ARHGAP8: variants seen among roughly 807,000 people sequenced by gnomAD.
ARHGAP8 encodes the protein Rho GTPase activating protein 8, also known as rho GTPase-activating protein 8.
A neutral mutation model predicts 46.1 loss-of-function variants in ARHGAP8; 62 were observed. That is an observed-to-expected ratio of 1.34 (90% CI 1.10 to 1.66). The LOEUF is 1.66. Ranked by LOEUF, ARHGAP8 falls within the 40% of genes most tolerant of loss-of-function variation. The pLI is 0.00. For missense variants in ARHGAP8, 923 were observed against 568.4 expected (o/e 1.62, Z -6.34); for synonymous variants, 375 against 243.1 (o/e 1.54, Z -5.05).
chr22:44,801,070 A>T (rs112789182), intron 2 of ARHGAP8, among the ~76,000 whole-genome samples: 1 of 50,188 alleles, frequency 2.0e-5, no homozygotes, highest in Non-Finnish European at 3.5e-5. Flanking sequence ...GCAGCTGTCC[A>T]TGTGTGAGGG....
intron 7 of ARHGAP8, among the ~76,000 whole-genome samples, chr22:44,828,196 G>A (rs776568875): frequency 5.9e-5 from 9 of 152,166 alleles, no homozygotes; most frequent in Non-Finnish European, 1.0e-4. Context: ...GAAATAGAAT[G>A]TTCACCCCAA....
chr22:44,777,468 G>C (rs1404553152), intron 1 of ARHGAP8, among the ~76,000 whole-genome samples: 1 of 151,908 alleles, frequency 6.6e-6, no homozygotes, highest in Non-Finnish European at 1.5e-5. Context: ...GTCATTAAAA[G>C]GTGGCTTTAA....
At chr22:44,847,379 T>C (rs1323847723) in intron 8 of ARHGAP8, among the ~76,000 whole-genome samples, 1 of 152,272 alleles carries the variant, frequency 6.6e-6, no homozygotes, top group African/African-American at 2.4e-5. Flanking sequence ...ACATCATCTA[T>C]ATCTTCACTG....
intron 2 of ARHGAP8, among the ~76,000 whole-genome samples, chr22:44,787,627 G>A (rs903508936): frequency 1.3e-5 from 2 of 152,102 alleles, no homozygotes; most frequent in African/African-American, 2.4e-5. Context: ...TTATAGGCGT[G>A]AGCCACCGTG....
At chr22:44,854,237 C>CG (rs1555921469) in intron 10 of ARHGAP8, among the ~76,000 whole-genome samples, 1 of 130,418 alleles carries the variant, frequency 7.7e-6, no homozygotes, top group South Asian at 2.5e-4. Context: ...CCCCTTGTAT[C>CG]TTTTTTTTTT....
rs1193802535 is a variant in ARHGAP8 at position 44,825,555 on chromosome 22, C to T, written c.558C>T (p.Pro186=). The T allele has an allele frequency of 6.2e-7, 1 of 1,613,408 alleles. No individual in the cohort carries two copies. The highest frequency in any genetic ancestry group is 1.7e-5 in the Admixed American group (1 of 59,996). ...PPPTKTPPPR[P]PLPTQQFGVS... is the part of the protein sequence containing the mutation. ...CCACCAAGACACCACCGCCGCGGCC[C>T]CCGCTGCCCACACAGCAGTTTGGCG... The change falls in exon 7 of 12, where the codon CCC becomes CCT. Residue 186 remains proline (P), a synonymous_variant. Transcript: ENST00000356099.
intron 8 of ARHGAP8, 150 bp from the exon 9 acceptor site, chr22:44,847,823 T>G: frequency 1.0e-6 from 1 of 1,000,198 alleles, no homozygotes; most frequent in Non-Finnish European, 1.5e-6. Flanking sequence ...ATCGGGTGGG[T>G]TGGGGAATAT....
At chr22:44,861,904 A>C (rs1238031267) in intron 11 of ARHGAP8, among the ~76,000 whole-genome samples, 2 of 151,992 alleles carry the variant, frequency 1.3e-5, no homozygotes, top group South Asian at 2.1e-4. Context: ...CATCATGCCC[A>C]GTTCGCCACT....
chr22:44,858,613 T>C (rs6006896), intron 10 of ARHGAP8, among the ~76,000 whole-genome samples: 54,661 of 144,404 alleles, frequency 0.38, 10,474 homozygotes, highest in African/African-American at 0.4. Flanking sequence ...TCAAGTGATG[T>C]GCCTGCCTCG....
At chr22:44,809,414 C>T (rs780883316) in intron 4 of ARHGAP8, 313 of 355,340 alleles carry the variant, frequency 8.8e-4, no homozygotes, top group Non-Finnish European at 1.4e-3. Context: ...GGCAAAGAAA[C>T]AACTGCATGA....
At position 44,862,515 on chromosome 22, in the gene ARHGAP8, G is replaced by A. The variant is rs1183102237; in HGVS notation, c.1222G>A (p.Val408Met). 7 of 1,612,810 alleles carry A rather than the reference G, an allele frequency of 4.3e-6. No homozygotes were observed. Among genetic ancestry groups the A allele is most frequent in the Middle Eastern group, 1.7e-4 (1 of 6,058 alleles). The change falls in exon 12 of 12, where the codon GTG becomes ATG. Residue 408 changes from valine (V) to methionine (M), a missense_variant. By Grantham distance (21) the Val-to-Met change is conservative (BLOSUM62 1). Transcript: ENST00000356099. ...CAGGGCAGCCCCTTTGCAGGAGGCTGTGCCACGGACACAAGCCACGGGCCT... is the reference window on the plus strand; with the variant it reads ...CAGGGCAGCCCCTTTGCAGGAGGCTATGCCACGGACACAAGCCACGGGCCT... ...GSRAAPLQEAVPRTQATGLTK... is the reference protein window; with the variant it reads ...GSRAAPLQEAMPRTQATGLTK...
At chr22:44,798,002 A>G (rs368652320) in intron 2 of ARHGAP8, among the ~76,000 whole-genome samples, 163 of 134,140 alleles carry the variant, frequency 1.2e-3, no homozygotes, top group African/African-American at 4.4e-3. Flanking sequence ...TTTTTGAGAC[A>G]AAGTCTCACT....
intron 2 of ARHGAP8, among the ~76,000 whole-genome samples, chr22:44,800,030 A>AGGCACAGAGGATGGTCTGCAGG (rs1555912620): frequency 6.8e-6 from 1 of 146,074 alleles, no homozygotes; most frequent in African/African-American, 2.6e-5. Context: ...CTGTGTCTGC[A>AGGCACAGAGGATGGTCTGCAGG]GGCACGGAGG....
intron 1 of ARHGAP8, among the ~76,000 whole-genome samples, chr22:44,753,244 C>A (rs1924394831): frequency 6.9e-6 from 1 of 144,008 alleles, no homozygotes; most frequent in South Asian, 2.2e-4. Context: ...TTTTTTTTGA[C>A]ACCGAGTCTT....
intron 1 of ARHGAP8, among the ~76,000 whole-genome samples, chr22:44,754,371 T>A (rs113027494): frequency 2.5e-4 from 36 of 146,164 alleles, no homozygotes; most frequent in African/African-American, 9.1e-4. Flanking sequence ...TGTGTGTGTG[T>A]GTGACGCAGT....
intron 7 of ARHGAP8, among the ~76,000 whole-genome samples, chr22:44,833,858 A>G (rs1004205327): frequency 6.6e-6 from 1 of 151,974 alleles, no homozygotes; most frequent in African/African-American, 2.4e-5. Flanking sequence ...CAGATTTTAT[A>G]TTTCTTCTTG....
chr22:44,848,846 T>C, intron 9 of ARHGAP8, 86 bp from the exon 10 acceptor site: 1 of 1,584,978 alleles, frequency 6.3e-7, no homozygotes, highest in South Asian at 1.2e-5. Flanking sequence ...TCCGGACATC[T>C]CACGCCCTGT....
intron 7 of ARHGAP8, among the ~76,000 whole-genome samples, chr22:44,842,585 C>T (rs1009781198): frequency 3.9e-5 from 6 of 152,180 alleles, no homozygotes; most frequent in East Asian, 3.9e-4. Context: ...GGGCTGGTGG[C>T]GAGAGGAAAG....
intron 2 of ARHGAP8, among the ~76,000 whole-genome samples, chr22:44,799,755 G>A (rs528236177): frequency 3.1e-4 from 46 of 150,488 alleles, no homozygotes; most frequent in African/African-American, 9.3e-4. Flanking sequence ...GAAGCGGGGC[G>A]GCCCATCTGT....
Sources: allele counts gnomAD v4.1 joint callset (sites outside exome capture counted in the v4.1 genomes callset), GRCh38; gene constraint gnomAD v4.1.1; transcripts MANE v1.5; gene names NCBI Gene and HGNC (gene_info 2026-07-23, HGNC 2026-07-21).